TRAPPC9: variants seen among roughly 807,000 people sequenced by gnomAD.
TRAPPC9 encodes IKK2 binding protein.
A neutral mutation model predicts 124.0 loss-of-function variants in TRAPPC9; 83 were observed. The observed-to-expected ratio is 0.67, with a 90% CI of 0.56 to 0.80. TRAPPC9 has a LOEUF of 0.80. TRAPPC9 is among the 30% of genes least tolerant of loss of function. TRAPPC9 has a pLI of 0.00. For missense variants in TRAPPC9, 1,302 were observed against 1,508.3 expected (o/e 0.86, Z 2.27); for synonymous variants, 638 against 617.5 (o/e 1.03, Z -0.49).
intron 5 of TRAPPC9, among the ~76,000 whole-genome samples, chr8:140,415,935 T>A (rs1346557990): frequency 6.6e-6 from 1 of 152,116 alleles, no homozygotes; most frequent in African/African-American, 2.4e-5. Context: ...CACTCTACCC[T>A]GGGCGACAGA....
chr8:140,210,729 G>A (rs2063039668), intron 17 of TRAPPC9, among the ~76,000 whole-genome samples: 1 of 152,206 alleles, frequency 6.6e-6, no homozygotes, highest in Non-Finnish European at 1.5e-5. Flanking sequence ...TACGGCAAGA[G>A]CAGCGCTGGG....
chr8:140,304,505 C>G (rs2066069924), intron 10 of TRAPPC9, among the ~76,000 whole-genome samples: 1 of 152,092 alleles, frequency 6.6e-6, no homozygotes, highest in Non-Finnish European at 1.5e-5. Context: ...AAGGAAGCAC[C>G]TTGGCCTAAT....
Position 139,786,256 on chromosome 8 carries a change from T to C in TRAPPC9, c.3056-54054A>G, listed in dbSNP as rs60883153. Among the ~76,000 whole-genome samples the C allele has an allele frequency of 4.0e-3, 609 of 152,252 alleles. 9 individuals carry two copies. The highest frequency in any genetic ancestry group is 0.014 in the African/African-American group (593 of 41,536). On this transcript the variant is annotated intron_variant, in intron 21 of 22. Coordinates refer to ENST00000438773, the MANE Select transcript of TRAPPC9 (RefSeq NM_001160372.4). ...GTAAAATAATAGGCAAAAGAGTTGA[T>C]AGACGCCCTCCTAAGGAAGACAACA...
chr8:140,251,179 G>A (rs1194345976), intron 16 of TRAPPC9, among the ~76,000 whole-genome samples: 1 of 152,206 alleles, frequency 6.6e-6, no homozygotes, highest in East Asian at 1.9e-4. Context: ...CTCACTGCTA[G>A]CCTGGAGTCC....
At chr8:139,792,160 C>A (rs1455877527) in intron 21 of TRAPPC9, among the ~76,000 whole-genome samples, 1 of 152,172 alleles carries the variant, frequency 6.6e-6, no homozygotes, top group East Asian at 1.9e-4. Context: ...AGAGCACAGT[C>A]CCCCATTCCT....
chr8:140,366,383 G>T (rs1404912159), intron 8 of TRAPPC9, among the ~76,000 whole-genome samples: 1 of 152,092 alleles, frequency 6.6e-6, no homozygotes, highest in African/African-American at 2.4e-5. Context: ...GAACAAATAG[G>T]TTAATGGAGC....
chr8:140,085,351 AAAG>A (rs1015360361), intron 17 of TRAPPC9, among the ~76,000 whole-genome samples: 9 of 151,880 alleles, frequency 5.9e-5, no homozygotes, highest in African/African-American at 2.2e-4. Context: ...AAAAAAAAAA[AAAG>A]GCTTGGAAAC....
chr8:139,957,204 G>C (rs943457757), intron 19 of TRAPPC9, among the ~76,000 whole-genome samples: 6 of 152,236 alleles, frequency 3.9e-5, no homozygotes, highest in African/African-American at 1.4e-4. Context: ...AGGCCAAGAG[G>C]GTTGCCATGG....
intron 18 of TRAPPC9, among the ~76,000 whole-genome samples, chr8:140,020,989 A>G (rs1206835642): frequency 2.0e-5 from 3 of 152,162 alleles, no homozygotes; most frequent in Admixed American, 6.5e-5. Context: ...TTGTTTTTAC[A>G]TTATGCATAG....
intron 15 of TRAPPC9, among the ~76,000 whole-genome samples, chr8:140,258,062 G>A (rs1279884905): frequency 6.6e-6 from 1 of 152,266 alleles, no homozygotes; most frequent in African/African-American, 2.4e-5. Flanking sequence ...CTCATGGTCT[G>A]ACAGAGGAGG....
chr8:140,432,621 C>G (rs1169450777), intron 4 of TRAPPC9, among the ~76,000 whole-genome samples: 1 of 152,192 alleles, frequency 6.6e-6, no homozygotes, highest in Non-Finnish European at 1.5e-5. Flanking sequence ...GCCTGTAATC[C>G]CAGCACTTTG....
At chr8:139,967,100 A>G (rs942985119) in intron 19 of TRAPPC9, among the ~76,000 whole-genome samples, 4 of 152,186 alleles carry the variant, frequency 2.6e-5, no homozygotes, top group Admixed American at 6.5e-5. Context: ...CCCTTCCTAC[A>G]GGATCATCCA....
intron 18 of TRAPPC9, among the ~76,000 whole-genome samples, chr8:139,989,371 G>A (rs115306419): frequency 0.02 from 3,098 of 152,328 alleles, 93 homozygotes; most frequent in African/African-American, 0.07. Context: ...AACTGGGGCA[G>A]ACACTGCGGG....
chr8:139,998,871 G>A (rs549316946), intron 18 of TRAPPC9, among the ~76,000 whole-genome samples: 16 of 152,128 alleles, frequency 1.1e-4, no homozygotes, highest in South Asian at 1.0e-3. Context: ...AGATAAAAGC[G>A]CCTATATTTG....
intron 17 of TRAPPC9, among the ~76,000 whole-genome samples, chr8:140,101,043 T>C (rs2060569540): frequency 6.6e-6 from 1 of 152,274 alleles, no homozygotes; most frequent in South Asian, 2.1e-4. Flanking sequence ...TTTTTGTACA[T>C]AGAGTGCTAT....
At chr8:140,173,109 C>G (rs901041664) in intron 17 of TRAPPC9, among the ~76,000 whole-genome samples, 2 of 152,176 alleles carry the variant, frequency 1.3e-5, no homozygotes, top group East Asian at 3.9e-4. Context: ...TGCATTTGTA[C>G]TAGGTTTTAT....
intron 20 of TRAPPC9, among the ~76,000 whole-genome samples, chr8:139,899,277 A>AT (rs1270473522): frequency 1.3e-5 from 2 of 152,188 alleles, no homozygotes; most frequent in Non-Finnish European, 2.9e-5. Context: ...TTAACTACTA[A>AT]TAGCCTACTG....
chr8:140,370,665 A>G (rs972555318), intron 8 of TRAPPC9, among the ~76,000 whole-genome samples: 4 of 152,250 alleles, frequency 2.6e-5, no homozygotes, highest in African/African-American at 4.8e-5. Flanking sequence ...AAATCTCATG[A>G]GTAAAATTCA....
intron 17 of TRAPPC9, among the ~76,000 whole-genome samples, chr8:140,166,100 G>A (rs2061833504): frequency 6.6e-6 from 1 of 152,168 alleles, no homozygotes; most frequent in African/African-American, 2.4e-5. Flanking sequence ...GAGTCCAGCT[G>A]GAATAGCAAC....
Sources: gnomAD v4.1 joint callset for allele counts (sites outside exome capture counted in the v4.1 genomes callset) on GRCh38, gnomAD v4.1.1 for gene constraint, MANE v1.5 for transcripts, NCBI Gene and HGNC (gene_info 2026-07-23, HGNC 2026-07-21) for gene names.